The following CAP2 variants were observed in gnomAD, a reference collection of about 807,000 sequenced individuals.
CAP2 encodes adenylyl cyclase-associated protein 2.
In CAP2, 24 loss-of-function variants were observed where a neutral mutation model predicts 57.7. The observed-to-expected ratio is 0.42, with a 90% CI of 0.30 to 0.58. The LOEUF (loss-of-function observed/expected upper bound fraction) is 0.58, where lower values mean the gene tolerates loss of function less well. Ranked by LOEUF, CAP2 falls within the 20% of genes least tolerant of loss-of-function variation. The pLI, the probability that CAP2 is intolerant of heterozygous loss-of-function variation, is 0.22. For synonymous variants in CAP2, 194 were observed against 207.2 expected, an observed-to-expected ratio of 0.94 and a Z score of 0.55; for missense variants, 501 against 590.3, an observed-to-expected ratio of 0.85 and a Z score of 1.57.
At chr6:17,454,744 T>C (rs1044760814) in intron 3 of CAP2, among the ~76,000 whole-genome samples, 4 of 152,250 alleles carry the variant, frequency 2.6e-5, no homozygotes, top group Admixed American at 1.3e-4. Context: ...CGCAATTATA[T>C]CCAGCTCTCA....
chr6:17,432,664 T>C (rs36139975), intron 3 of CAP2, among the ~76,000 whole-genome samples: 38,302 of 152,034 alleles, frequency 0.25, 5,690 homozygotes, highest in South Asian at 0.37. Flanking sequence ...AGCCAGAATT[T>C]TTAGAGAAGG....
At chr6:17,483,920 C>T (rs552107279) in intron 4 of CAP2, among the ~76,000 whole-genome samples, 10 of 151,966 alleles carry the variant, frequency 6.6e-5, no homozygotes, top group African/African-American at 2.4e-4. Flanking sequence ...GATAGAGCCC[C>T]ATAGGTTCTC....
At chr6:17,474,366 TG>T (rs1761097469) in intron 4 of CAP2, among the ~76,000 whole-genome samples, 1 of 152,156 alleles carries the variant, frequency 6.6e-6, no homozygotes, top group Non-Finnish European at 1.5e-5. Flanking sequence ...TCCACTGCTT[TG>T]AGAACTAGTG....
Position 17,507,256 on chromosome 6 carries a change from T to C in CAP2, c.388T>C (p.Phe130Leu). ...AGAGAGAAACCGGGGGAGTAACATG[T>C]TTAATCATCTTTCGGCCGTCAGCGA... is the stretch of plus-strand genomic sequence containing the variant. ...FRERNRGSNM[F>L]NHLSAVSESI... is the part of the protein sequence containing the mutation. The change falls in exon 5 of 13, where the codon TTT becomes CTT. Residue 130 changes from phenylalanine to leucine, a missense_variant. Coordinates refer to ENST00000229922, the MANE Select transcript of CAP2 (RefSeq NM_006366.3). The C allele has an allele frequency of 6.2e-7, 1 of 1,614,170 alleles. No individual in the cohort carries two copies. The highest frequency in any genetic ancestry group is 8.5e-7 in the Non-Finnish European group (1 of 1,180,010).
At chr6:17,411,312 G>C (rs977690787) in intron 1 of CAP2, among the ~76,000 whole-genome samples, 1 of 152,214 alleles carries the variant, frequency 6.6e-6, no homozygotes, top group East Asian at 1.9e-4. Context: ...GAGTAAAATA[G>C]AGTGGAATGA....
At chr6:17,518,619 A>C (rs1762322314) in intron 7 of CAP2, among the ~76,000 whole-genome samples, 2 of 152,044 alleles carry the variant, frequency 1.3e-5, no homozygotes. Flanking sequence ...CACAGTATTC[A>C]GAGATTTTTT....
chr6:17,508,009 CA>C (rs1179953439), intron 6 of CAP2, among the ~76,000 whole-genome samples: 15 of 152,186 alleles, frequency 9.9e-5, no homozygotes, highest in Admixed American at 3.9e-4. Context: ...CCACAATAAT[CA>C]GAGAGCTTGG....
intron 7 of CAP2, among the ~76,000 whole-genome samples, chr6:17,516,934 G>A (rs1444745772): frequency 2.0e-5 from 3 of 152,092 alleles, no homozygotes; most frequent in Admixed American, 6.6e-5. Context: ...ACAACTAAGC[G>A]GATTGTTTTT....
intron 4 of CAP2, among the ~76,000 whole-genome samples, chr6:17,483,053 G>A (rs573956853): frequency 3.3e-5 from 5 of 152,284 alleles, no homozygotes; most frequent in Non-Finnish European, 7.4e-5. Context: ...AGCTTTCATC[G>A]TGAGCCCATT....
chr6:17,540,783 G>C (rs1404286058), intron 8 of CAP2, among the ~76,000 whole-genome samples, 190 bp from the exon 9 acceptor site: 1 of 152,114 alleles, frequency 6.6e-6, no homozygotes, highest in African/African-American at 2.4e-5. Flanking sequence ...ACAACTTACA[G>C]TGCTTCTGTC....
At chr6:17,436,086 T>TTTCTTTCCTTCCTTCCTTCCTTCC (rs778187025) in intron 3 of CAP2, among the ~76,000 whole-genome samples, 15 of 133,996 alleles carry the variant, frequency 1.1e-4, no homozygotes, top group South Asian at 5.0e-4. Context: ...TCTTTCTTTC[T>TTTCTTTCCTTCCTTCCTTCCTTCC]TTCCTTCCTT....
intron 1 of CAP2, among the ~76,000 whole-genome samples, chr6:17,408,078 A>G (rs976204770): frequency 5.9e-5 from 9 of 152,208 alleles, no homozygotes; most frequent in Non-Finnish European, 8.8e-5. Context: ...AGGAATTTCA[A>G]CAAACCTTAT....
chr6:17,507,836 T>C, intron 6 of CAP2, 110 bp downstream of exon 6: 1 of 645,464 alleles, frequency 1.5e-6, no homozygotes, highest in South Asian at 2.0e-5. Flanking sequence ...TCTACACTAA[T>C]GTACTATAAA....
intron 3 of CAP2, among the ~76,000 whole-genome samples, chr6:17,428,294 G>A (rs192331877): frequency 1.0e-3 from 155 of 152,146 alleles, no homozygotes; most frequent in Non-Finnish European, 1.0e-3. Context: ...CATCATCTCC[G>A]GGGTTAGTCA....
intron 4 of CAP2, among the ~76,000 whole-genome samples, chr6:17,497,631 C>T (rs975883569): frequency 2.0e-5 from 3 of 152,152 alleles, no homozygotes; most frequent in Admixed American, 2.0e-4. Flanking sequence ...AATCCCATGC[C>T]CCTGCCATGA....
chr6:17,454,377 A>G (rs1330876483), intron 3 of CAP2, among the ~76,000 whole-genome samples: 1 of 152,206 alleles, frequency 6.6e-6, no homozygotes, highest in African/African-American at 2.4e-5. Flanking sequence ...TTTATAAGAA[A>G]TGAGAGCTCT....
At chr6:17,468,006 A>G (rs1477464766) in intron 4 of CAP2, among the ~76,000 whole-genome samples, 1 of 151,886 alleles carries the variant, frequency 6.6e-6, no homozygotes, top group African/African-American at 2.4e-5. Context: ...TCTACTCTGT[A>G]TGTCAATGAT....
chr6:17,417,855 C>G (rs987477483), intron 1 of CAP2, among the ~76,000 whole-genome samples: 1 of 152,068 alleles, frequency 6.6e-6, no homozygotes, highest in African/African-American at 2.4e-5. Flanking sequence ...TTGCTGTATC[C>G]CCCTATTCTG....
At chr6:17,474,148 A>G (rs997860457) in intron 4 of CAP2, among the ~76,000 whole-genome samples, 1 of 133,592 alleles carries the variant, frequency 7.5e-6, no homozygotes, top group Admixed American at 7.6e-5. Context: ...GAGGAAAGAC[A>G]TTTTTCAAAC....
Sources: gnomAD v4.1 joint callset for allele counts (sites outside exome capture counted in the v4.1 genomes callset) on GRCh38, gnomAD v4.1.1 for gene constraint, MANE v1.5 for transcripts, NCBI Gene and HGNC (gene_info 2026-07-23, HGNC 2026-07-21) for gene names.